The following KCTD9 variants were observed in gnomAD, a reference collection of about 807,000 sequenced individuals.
KCTD9 encodes BTB/POZ domain-containing protein KCTD9.
Under a neutral mutation model 53.3 loss-of-function variants are expected in KCTD9, and 17 were observed. That is an observed-to-expected ratio of 0.32 (90% CI 0.22 to 0.48). The LOEUF is 0.48. Ranked by LOEUF, KCTD9 falls within the 20% of genes least tolerant of loss-of-function variation. KCTD9 has a pLI of 0.99. For synonymous variants in KCTD9, 128 were observed against 162.7 expected (o/e 0.79, Z 1.62); for missense variants, 179 against 465.5 (o/e 0.38, Z 5.66).
At chr8:25,447,377 G>A (rs188599457) in intron 1 of KCTD9, among the ~76,000 whole-genome samples, 180 of 152,192 alleles carry the variant, frequency 1.2e-3, no homozygotes, top group African/African-American at 4.1e-3. Flanking sequence ...ACCAAGCAAG[G>A]CTCTGTCTCC....
Position 25,436,219 on chromosome 8 carries a change from A to G in KCTD9, c.663+16T>C, listed in dbSNP as rs370173861. On this transcript the variant is annotated intron_variant, in intron 8 of 11. Coordinates refer to ENST00000221200, the MANE Select transcript of KCTD9 (RefSeq NM_017634.4). ...TTTGCTGATAGAAATAATTGATGTA[A>G]AAGCCTGCTAATTACCTGGCATCGC... 11 of 1,460,018 alleles carry G rather than the reference A, an allele frequency of 7.5e-6. No individual in the cohort carries two copies. The highest frequency in any genetic ancestry group is 1.1e-5 in the Non-Finnish European group (11 of 1,041,544). The allele number at this position is 1,460,018 out of a possible 1,614,324, so 90.4% of individuals were successfully genotyped here.
At chr8:25,441,744 T>C (rs933445548) in intron 3 of KCTD9, among the ~76,000 whole-genome samples, 20 of 152,244 alleles carry the variant, frequency 1.3e-4, no homozygotes, top group African/African-American at 4.1e-4. Context: ...ATGCCTATAA[T>C]CCTCTGGGAG....
At chr8:25,444,046 T>C (rs1802169696) in intron 3 of KCTD9, among the ~76,000 whole-genome samples, 1 of 152,138 alleles carries the variant, frequency 6.6e-6, no homozygotes. Context: ...TATGTTACAG[T>C]TAATGAATAT....
At chr8:25,439,726 T>A in intron 4 of KCTD9, 62 bp from the exon 5 acceptor site, 1 of 1,611,178 alleles carries the variant, frequency 6.2e-7, no homozygotes, top group Non-Finnish European at 8.5e-7. Context: ...CATATTTAAG[T>A]CAAGAGTATA....
At chr8:25,437,503 C>A (rs375317147) in intron 6 of KCTD9, among the ~76,000 whole-genome samples, 1 of 151,940 alleles carries the variant, frequency 6.6e-6, no homozygotes, top group Non-Finnish European at 1.5e-5. Flanking sequence ...ATGGTGAAAC[C>A]CTGTCTCTAC....
intron 3 of KCTD9, among the ~76,000 whole-genome samples, chr8:25,443,524 T>A (rs914506112): frequency 1.3e-5 from 2 of 152,124 alleles, no homozygotes; most frequent in Non-Finnish European, 2.9e-5. Context: ...GTGGACCAAT[T>A]AAGTGACCAT....
At chr8:25,439,469 G>A in intron 5 of KCTD9, 62 bp from the exon 6 acceptor site, 1 of 1,569,472 alleles carries the variant, frequency 6.4e-7, no homozygotes, top group Non-Finnish European at 8.6e-7. Flanking sequence ...AGAAATGTAT[G>A]AGGAAAAAAT....
chr8:25,434,515 CG>C (rs754635117), intron 9 of KCTD9, among the ~76,000 whole-genome samples: 101 of 152,116 alleles, frequency 6.6e-4, no homozygotes, highest in Non-Finnish European at 8.8e-4. Flanking sequence ...GTCCTTCAAA[CG>C]TTTTTTTGAT....
intron 1 of KCTD9, 73 bp from the exon 2 acceptor site, chr8:25,446,323 A>G (rs1802213278): frequency 6.7e-7 from 1 of 1,494,338 alleles, no homozygotes; most frequent in African/African-American, 1.4e-5. Flanking sequence ...AAACTACCAC[A>G]CTAGAACAGT....
chr8:25,450,061 CA>C lies in KCTD9; in HGVS notation c.49-3812del, dbSNP rs573586841. 1.5e-3 allele frequency among the ~76,000 whole-genome samples: 235 copies of C among 152,262 alleles called. 1 individual carries two copies. Among genetic ancestry groups the C allele is most frequent in the Non-Finnish European group, 2.1e-4 (14 of 67,998 alleles). ...GACTATTTTCAAGGCAATCAAAGTA[CA>C]ACAGGTATTTCCTTGTAGGCTGTAA... On this transcript the variant is annotated intron_variant, in intron 1 of 11. Coordinates refer to ENST00000221200, the MANE Select transcript of KCTD9 (RefSeq NM_017634.4).
intron 1 of KCTD9, among the ~76,000 whole-genome samples, chr8:25,447,190 T>C (rs1802228818): frequency 6.6e-6 from 1 of 152,120 alleles, no homozygotes; most frequent in African/African-American, 2.4e-5. Flanking sequence ...GGCCTGGAGT[T>C]TGAGACCAGC....
chr8:25,457,172 C>G (rs1433012334), intron 1 of KCTD9: 1 of 162,088 alleles, frequency 6.2e-6, no homozygotes, highest in South Asian at 2.0e-4. Context: ...TTACTCTACA[C>G]TGAATAATCG....
At chr8:25,430,928 C>T (rs1001230489) in intron 11 of KCTD9, among the ~76,000 whole-genome samples, 8 of 152,012 alleles carry the variant, frequency 5.3e-5, no homozygotes, top group Admixed American at 3.3e-4. Context: ...CTCCAGGATT[C>T]GAGCTATTCT....
At chr8:25,443,921 C>T (rs187042092) in intron 3 of KCTD9, among the ~76,000 whole-genome samples, 2 of 152,174 alleles carry the variant, frequency 1.3e-5, no homozygotes, top group East Asian at 3.9e-4. Context: ...ACTACTTACG[C>T]AAGCAATATT....
chr8:25,439,697 A>T (rs1802081560), intron 4 of KCTD9, 33 bp from the exon 5 acceptor site: 1 of 1,612,746 alleles, frequency 6.2e-7, no homozygotes, highest in Non-Finnish European at 8.5e-7. Context: ...TGATTTCTCC[A>T]TTTGTCTTTA....
chr8:25,449,080 TG>T (rs1802270942), intron 1 of KCTD9, among the ~76,000 whole-genome samples: 1 of 152,160 alleles, frequency 6.6e-6, no homozygotes, highest in African/African-American at 2.4e-5. Context: ...ACGGCAAAGC[TG>T]GGGTTGTGTT....
chr8:25,433,610 G>T (rs1305768798), intron 9 of KCTD9, among the ~76,000 whole-genome samples, 175 bp from the exon 10 acceptor site: 1 of 151,968 alleles, frequency 6.6e-6, no homozygotes, highest in Non-Finnish European at 1.5e-5. Flanking sequence ...GTAAGAACTG[G>T]GAACATTTGA....
chr8:25,429,710 C>A lies in KCTD9; in HGVS notation c.*147G>T. The A allele has an allele frequency of 1.6e-6, 1 of 618,022 alleles. No homozygotes were observed. The highest frequency in any genetic ancestry group is 2.8e-5 in the East Asian group (1 of 35,578). The allele number at this position is 618,022 out of a possible 1,614,324, so 38.3% of individuals were successfully genotyped here. On this transcript the variant is annotated 3_prime_UTR_variant, in exon 12 of 12. Coordinates refer to ENST00000221200, the MANE Select transcript of KCTD9 (RefSeq NM_017634.4). ...AAAGTCAGTTTTTTCCCTTATGCAC[C>A]ACTCAAAACAAGCATAATCCTCTAA...
intron 8 of KCTD9, 125 bp from the exon 9 acceptor site, chr8:25,435,637 TACAGA>T: frequency 1.4e-6 from 1 of 707,378 alleles, no homozygotes; most frequent in Non-Finnish European, 2.3e-6. Context: ...TGGAGTTTAT[TACAGA>T]ACATGATAAA....
Sources: gnomAD v4.1 joint callset for allele counts (sites outside exome capture counted in the v4.1 genomes callset) on GRCh38, gnomAD v4.1.1 for gene constraint, MANE v1.5 for transcripts, NCBI Gene and HGNC (gene_info 2026-07-23, HGNC 2026-07-21) for gene names.